ULK1: variants seen among roughly 807,000 people sequenced by gnomAD.
The protein encoded by ULK1 is unc-51 like autophagy activating kinase 1, also known as serine/threonine-protein kinase ULK1.
In ULK1, 48 loss-of-function variants were observed where a neutral mutation model predicts 117.5. That is an observed-to-expected ratio of 0.41 (90% CI 0.32 to 0.52). ULK1 has a LOEUF of 0.52. Among genes scored for constraint, ULK1 ranks in the 20% least tolerant of loss-of-function variants. The pLI is 0.29. For missense variants in ULK1, 1,387 were observed against 1,473.4 expected (o/e 0.94, Z 0.96); for synonymous variants, 790 against 637.8 (o/e 1.24, Z -3.60).
Position 131,909,765 on chromosome 12 carries a change from G to A in ULK1, c.667-10G>A, listed in dbSNP as rs748064712. 3.8e-6 allele frequency: 6 copies of A among 1,597,744 alleles called. No homozygotes were observed. Among genetic ancestry groups the A allele is most frequent in the Middle Eastern group, 1.7e-4 (1 of 5,994 alleles). On this transcript the variant is annotated splice_polypyrimidine_tract_variant and intron_variant, in intron 8 of 27. Transcript: ENST00000321867. ...CAGCCCTGGCAGTCAGGCTGTCCCC[G>A]TCCCCGCAGGCCAGCAGCCCCCAGG...
At chr12:131,896,136 C>T (rs987754038) in intron 3 of ULK1, among the ~76,000 whole-genome samples, 1 of 152,204 alleles carries the variant, frequency 6.6e-6, no homozygotes, top group Non-Finnish European at 1.5e-5. Flanking sequence ...CCCCGGCTGG[C>T]CCTGGCAGCA....
Position 131,916,955 on chromosome 12 carries a change from C to T in ULK1, c.2075C>T (p.Ser692Phe). 6.2e-7 allele frequency: 1 copy of T among 1,610,348 alleles called. No individual in the cohort carries two copies. Among genetic ancestry groups the T allele is most frequent in the African/African-American group, 1.3e-5 (1 of 74,870 alleles). ...CACAGCCCTGCACACTCCCACAGGT[C>T]TTTCAGCACCAGCCGCCTCACTGAC... Reference protein sequence around the residue: ...GEDPKGPFGRSFSTSRLTDLL... With the variant: ...GEDPKGPFGRFFSTSRLTDLL... Residue 692 changes from serine to phenylalanine, a missense_variant and splice_region_variant, in exon 21 of 28, where the codon TCT becomes TTT. Coordinates refer to ENST00000321867, the MANE Select transcript of ULK1 (RefSeq NM_003565.4).
intron 3 of ULK1, among the ~76,000 whole-genome samples, chr12:131,899,571 G>A (rs1889008036): frequency 6.6e-6 from 1 of 152,128 alleles, no homozygotes. Flanking sequence ...GCTCACTGCA[G>A]CCTCGAACAC....
At chr12:131,898,313 T>C (rs1161632119) in intron 3 of ULK1, 1 of 152,058 alleles carries the variant, frequency 6.6e-6, no homozygotes, top group Non-Finnish European at 1.5e-5. Flanking sequence ...GTAGAATCCT[T>C]GGGTAGGAGG....
chr12:131,896,674 A>C (rs1888886721), intron 3 of ULK1: 1 of 152,202 alleles, frequency 6.6e-6, no homozygotes, highest in Non-Finnish European at 1.5e-5. Flanking sequence ...GAGTACCTGG[A>C]AACCCAGGCA....
Position 131,903,753 on chromosome 12 carries a change from AG to A in ULK1, c.247-3136del, listed in dbSNP as rs1889172687. 6.6e-6 allele frequency among the ~76,000 whole-genome samples: 1 copy of A among 152,122 alleles called. No homozygotes were observed. Among genetic ancestry groups the A allele is most frequent in the African/African-American group, 2.4e-5 (1 of 41,412 alleles). ...CATGGGCCAGGCCTTGGTTTCTGCA[AG>A]GGACCATTTGAAGTGCAGGGAAGAG... is the stretch of plus-strand genomic sequence containing the variant. On this transcript the variant is annotated intron_variant, in intron 3 of 27. Transcript: ENST00000321867. The surrounding 1 kb of genome is among the most constrained non-coding windows in gnomAD (Gnocchi z 6.0).
intron 4 of ULK1, 50 bp downstream of exon 4, chr12:131,906,974 T>C (rs1160961012): frequency 1.2e-6 from 2 of 1,613,102 alleles, no homozygotes; most frequent in Non-Finnish European, 1.7e-6. Flanking sequence ...GCCATGGCCC[T>C]GGGAGCCCCA....
intron 21 of ULK1, 76 bp downstream of exon 21, chr12:131,917,138 A>ACGGGGG (rs1566126576): frequency 3.9e-6 from 3 of 763,510 alleles, no homozygotes; most frequent in South Asian, 2.9e-5. Context: ...AGGCTGTGGG[A>ACGGGGG]TGGGGGTCGG....
At position 131,922,117 on chromosome 12, in the gene ULK1, T is replaced by C. The variant is rs1343525407; in HGVS notation, c.*756T>C. 4.8e-6 allele frequency: 2 copies of C among 414,300 alleles called. No individual in the cohort carries two copies. Among genetic ancestry groups the C allele is most frequent in the Middle Eastern group, 6.9e-4 (2 of 2,878 alleles). The allele number at this position is 414,300 out of a possible 1,614,324, so 25.7% of individuals were successfully genotyped here. A position where few individuals can be genotyped will look rare whatever the true frequency, so the allele number is the denominator to read the frequency against. On this transcript the variant is annotated 3_prime_UTR_variant, in exon 28 of 28. Coordinates refer to ENST00000321867, the MANE Select transcript of ULK1 (RefSeq NM_003565.4). ...CCGTGTTCTCTCAGCCCTGGATACGTCTTGTAATCTTTCACACTTTATTCC... is the reference window on the plus strand; with the variant it reads ...CCGTGTTCTCTCAGCCCTGGATACGCCTTGTAATCTTTCACACTTTATTCC...
intron 4 of ULK1, 37 bp downstream of exon 4, chr12:131,906,961 A>G (rs1593263780): frequency 6.2e-7 from 1 of 1,613,780 alleles, no homozygotes; most frequent in Non-Finnish European, 8.5e-7. Flanking sequence ...GTGCAGGCTG[A>G]TGGCCATGGC....
intron 3 of ULK1, among the ~76,000 whole-genome samples, chr12:131,901,601 A>C (rs368218436): frequency 6.6e-6 from 1 of 152,120 alleles, no homozygotes; most frequent in Non-Finnish European, 1.5e-5. Flanking sequence ...CCTTTGCCAC[A>C]TGCTGACTTT....
At chr12:131,905,009 G>A (rs933663710) in intron 3 of ULK1, among the ~76,000 whole-genome samples, 2 of 152,154 alleles carry the variant, frequency 1.3e-5, no homozygotes, top group Non-Finnish European at 2.9e-5. Flanking sequence ...TCCTGGGCAG[G>A]CAGGTGAGGC....
chr12:131,899,091 C>T (rs1888990063), intron 3 of ULK1, among the ~76,000 whole-genome samples: 1 of 151,420 alleles, frequency 6.6e-6, no homozygotes, highest in African/African-American at 2.4e-5. Context: ...ATTGGCCAGG[C>T]TGATCTTGAA....
chr12:131,908,570 C>CG (rs1286658170), intron 5 of ULK1, 74 bp from the exon 6 acceptor site: 15 of 1,407,320 alleles, frequency 1.1e-5, no homozygotes, highest in Non-Finnish European at 1.3e-5. Context: ...GTGGCGGGAC[C>CG]GGCCTGGCTG....
At chr12:131,921,257 G>C (rs750295514) in intron 27 of ULK1, 22 bp downstream of exon 27, 2 of 1,608,086 alleles carry the variant, frequency 1.2e-6, no homozygotes, top group Non-Finnish European at 1.7e-6. Context: ...GCTGGGCTGG[G>C]GGCTGGGGAC....
chr12:131,918,849 T>G (rs900297308), intron 23 of ULK1, among the ~76,000 whole-genome samples, 168 bp downstream of exon 23: 27 of 14,980 alleles, frequency 1.8e-3, no homozygotes, highest in South Asian at 4.6e-3. Context: ...GGGTGTCGGG[T>G]GTGTGGGGTG....
At position 131,903,821 on chromosome 12, in the gene ULK1, C is replaced by T. The variant is rs538068596; in HGVS notation, c.247-3071C>T. Among the ~76,000 whole-genome samples, 1 of 152,266 alleles carries T rather than the reference C, an allele frequency of 6.6e-6. No individual in the cohort carries two copies. Among genetic ancestry groups the T allele is most frequent in the African/African-American group, 2.4e-5 (1 of 41,548 alleles). On this transcript the variant is annotated intron_variant, in intron 3 of 27. Coordinates refer to ENST00000321867, the MANE Select transcript of ULK1 (RefSeq NM_003565.4). The surrounding 1 kb of genome is among the most constrained non-coding windows in gnomAD (Gnocchi z 6.0). ...TCCCACAGCCCCCTGCCCACTCCCT[C>T]CTGGGAGCTGGTGCCCCCTGAGGTT...
chr12:131,910,182 GC>G, intron 10 of ULK1, 71 bp from the exon 11 acceptor site: 1 of 1,600,494 alleles, frequency 6.2e-7, no homozygotes, highest in Non-Finnish European at 8.6e-7. Context: ...TGGAGCTCAG[GC>G]CGTGGGGAGG....
At chr12:131,917,097 T>TCGGGGGGAGCTCGGAGGCTGTGGGAC (rs751134746) in intron 21 of ULK1, 35 bp downstream of exon 21, 7 of 442,912 alleles carry the variant, frequency 1.6e-5, no homozygotes, top group African/African-American at 6.1e-5. Flanking sequence ...GGCTGTGGGA[T>TCGGGGGGAGCTCGGAGGCTGTGGGAC]GGGGGTCGGA....
Sources: allele counts gnomAD v4.1 joint callset (sites outside exome capture counted in the v4.1 genomes callset), GRCh38; gene constraint gnomAD v4.1.1; non-coding constraint Gnocchi (gnomAD v3.1); transcripts MANE v1.5; gene names NCBI Gene and HGNC (gene_info 2026-07-23, HGNC 2026-07-21).